The following CGNL1 variants were observed in gnomAD, a reference collection of about 807,000 sequenced individuals.
The protein encoded by CGNL1 is cingulin like 1, also known as cingulin-like protein 1.
In CGNL1, 132 loss-of-function variants were observed where a neutral mutation model predicts 141.2. The ratio of observed to expected loss-of-function variants is 0.93; its 90% CI spans 0.81 to 1.08. CGNL1 has a LOEUF of 1.08. Ranked by LOEUF, CGNL1 falls within the 50% of genes least tolerant of loss-of-function variation. CGNL1 has a pLI of 0.00. For missense variants in CGNL1, 1,870 were observed against 1,588.6 expected, an observed-to-expected ratio of 1.18 and a Z score of -3.01; for synonymous variants, 690 against 622.1, an observed-to-expected ratio of 1.11 and a Z score of -1.63.
chr15:57,498,794 C>T (rs970135095), intron 8 of CGNL1, among the ~76,000 whole-genome samples: 2 of 151,826 alleles, frequency 1.3e-5, no homozygotes, highest in Admixed American at 6.6e-5. Flanking sequence ...CAGGCAGACA[C>T]GCAGAGGCCC....
intron 1 of CGNL1, chr15:57,396,974 T>C (rs2062609827): frequency 6.6e-6 from 1 of 152,200 alleles, no homozygotes; most frequent in Admixed American, 6.5e-5. Flanking sequence ...ATAATCATAG[T>C]CCAACACAGA....
intron 12 of CGNL1, among the ~76,000 whole-genome samples, 196 bp downstream of exon 12, chr15:57,524,947 G>T (rs796552891): frequency 4.6e-5 from 7 of 152,288 alleles, no homozygotes; most frequent in African/African-American, 1.7e-4. Flanking sequence ...GGACTGTGAG[G>T]CTAAATGGAC....
At chr15:57,409,037 T>TCACACACACACACACACACACACACACA (rs59988268) in intron 1 of CGNL1, among the ~76,000 whole-genome samples, 1 of 141,736 alleles carries the variant, frequency 7.1e-6, no homozygotes, top group African/African-American at 2.7e-5. Context: ...TGAGACTCTG[T>TCACACACACACACACACACACACACACA]CACACACACA....
At chr15:57,403,956 T>C (rs1261385280) in intron 1 of CGNL1, among the ~76,000 whole-genome samples, 1 of 152,196 alleles carries the variant, frequency 6.6e-6, no homozygotes, top group Non-Finnish European at 1.5e-5. Context: ...GGGCCTCCCA[T>C]AGCACTGGCT....
At position 57,547,597 on chromosome 15, in the gene CGNL1, G is replaced by GTGAGA; in HGVS notation, c.*107_*108insTGAGA. The GTGAGA allele has an allele frequency of 7.7e-7, 1 of 1,299,998 alleles. No individual in the cohort carries two copies. The allele number at this position is 1,299,998 out of a possible 1,614,324, so 80.5% of individuals were successfully genotyped here. On this transcript the variant is annotated 3_prime_UTR_variant, in exon 19 of 19. Transcript: ENST00000281282. The stretch of plus-strand genomic sequence containing the variant: ...CTGTCTGCCACTGAGACCAATCACA[G>GTGAGA]CCTCTTTGCACAGCATGCCAGCTCC...
At chr15:57,379,877 T>C (rs2062406132) in intron 1 of CGNL1, among the ~76,000 whole-genome samples, 3 of 152,166 alleles carry the variant, frequency 2.0e-5, no homozygotes, top group African/African-American at 7.2e-5. Flanking sequence ...CAGGGTTGAC[T>C]GACCTTTACC....
intron 8 of CGNL1, among the ~76,000 whole-genome samples, chr15:57,501,534 T>C (rs1246129378): frequency 5.3e-5 from 8 of 152,158 alleles, no homozygotes; most frequent in African/African-American, 1.9e-4. Flanking sequence ...TCCCCAGGCA[T>C]AGCCTGGCAT....
At chr15:57,471,539 T>C (rs1361028107) in intron 8 of CGNL1, among the ~76,000 whole-genome samples, 1 of 152,158 alleles carries the variant, frequency 6.6e-6, no homozygotes, top group African/African-American at 2.4e-5. Flanking sequence ...GCGGAGAAAG[T>C]GACAAGACTT....
rs779606611 is a variant in CGNL1 at position 57,439,279 on chromosome 15, A to T, written c.1280A>T (p.Gln427Leu). 1.2e-6 allele frequency: 2 copies of T among 1,614,050 alleles called. No individual in the cohort carries two copies. Among genetic ancestry groups the T allele is most frequent in the South Asian group, 2.2e-5 (2 of 91,080 alleles). The change falls in exon 2 of 19, where the codon CAG becomes CTG. Residue 427 changes from glutamine (Q) to leucine (L), a missense_variant. Coordinates refer to ENST00000281282, the MANE Select transcript of CGNL1 (RefSeq NM_032866.5). ...HLLRPSQVCP[Q>L]RPLSQERRGK... ...CTCCGGCCTTCCCAGGTGTGCCCGC[A>T]GCGGCCACTGTCTCAGGAGCGCCGT...
intron 8 of CGNL1, among the ~76,000 whole-genome samples, chr15:57,479,904 G>A (rs1476279094): frequency 6.6e-6 from 1 of 152,076 alleles, no homozygotes; most frequent in African/African-American, 2.4e-5. Flanking sequence ...ATATCTAGAG[G>A]ATAAAGGGGG....
At chr15:57,410,015 A>C (rs1210967205) in intron 1 of CGNL1, among the ~76,000 whole-genome samples, 2 of 152,232 alleles carry the variant, frequency 1.3e-5, no homozygotes, top group African/African-American at 4.8e-5. Context: ...ACAAGCCGTT[A>C]GCCCAGAAGG....
intron 1 of CGNL1, among the ~76,000 whole-genome samples, chr15:57,405,407 G>A (rs556359826): frequency 1.8e-4 from 27 of 152,310 alleles, no homozygotes; most frequent in Admixed American, 1.7e-3. Flanking sequence ...TGCTGCTCCC[G>A]ATTTGGGAGC....
intron 1 of CGNL1, among the ~76,000 whole-genome samples, chr15:57,396,558 C>T (rs1467386482): frequency 6.6e-6 from 1 of 152,198 alleles, no homozygotes; most frequent in Non-Finnish European, 1.5e-5. Flanking sequence ...TAGGTGTGAG[C>T]CACCATGCCT....
chr15:57,439,429 A>G lies in CGNL1; in HGVS notation c.1430A>G (p.Gln477Arg), dbSNP rs145838565. 5.7e-4 allele frequency: 924 copies of G among 1,614,226 alleles called. 2 individuals are homozygous for G. The highest frequency in any genetic ancestry group is 2.0e-3 in the South Asian group (178 of 91,090). The change falls in exon 2 of 19, where the codon CAG (glutamine) becomes CGG (arginine). Residue 477 changes from glutamine to arginine, a missense_variant. Gln to Arg is a conservative substitution (Grantham distance 43, BLOSUM62 1). Transcript: ENST00000281282. The stretch of plus-strand genomic sequence containing the variant: ...AAAGTTCTGGAAACCGAAGGTAGTC[A>G]GGAAAGTACAGTGATCCGTGCGCCC... Reference protein sequence around the residue: ...DGKVLETEGSQESTVIRAPSL... With the variant: ...DGKVLETEGSRESTVIRAPSL...
chr15:57,517,051 T>C, intron 9 of CGNL1, 65 bp downstream of exon 9: 1 of 1,469,628 alleles, frequency 6.8e-7, no homozygotes, highest in East Asian at 2.4e-5. Context: ...GTGTAAGTGA[T>C]TTCAAAAGTG....
At chr15:57,466,076 G>C (rs2063507978) in intron 8 of CGNL1, among the ~76,000 whole-genome samples, 1 of 152,166 alleles carries the variant, frequency 6.6e-6, no homozygotes, top group South Asian at 2.1e-4. Context: ...GTGGAGGTTT[G>C]GGTTATAATG....
intron 8 of CGNL1, among the ~76,000 whole-genome samples, chr15:57,485,913 C>T (rs761073025): frequency 6.6e-6 from 1 of 152,182 alleles, no homozygotes; most frequent in Non-Finnish European, 1.5e-5. Context: ...TCTTCTGGTG[C>T]CCAGTCTCAC....
At chr15:57,416,643 A>G (rs2062852611) in intron 1 of CGNL1, among the ~76,000 whole-genome samples, 1 of 152,180 alleles carries the variant, frequency 6.6e-6, no homozygotes, top group Non-Finnish European at 1.5e-5. Context: ...ACAGTGTCCT[A>G]GGAACTTGTC....
chr15:57,513,486 A>G (rs1378976383), intron 8 of CGNL1, among the ~76,000 whole-genome samples: 1 of 152,114 alleles, frequency 6.6e-6, no homozygotes, highest in East Asian at 1.9e-4. Context: ...TAATGCTGCT[A>G]TAAACATTCA....
Sources: gnomAD v4.1 joint callset for allele counts (sites outside exome capture counted in the v4.1 genomes callset) on GRCh38, gnomAD v4.1.1 for gene constraint, MANE v1.5 for transcripts, NCBI Gene and HGNC (gene_info 2026-07-23, HGNC 2026-07-21) for gene names.